HMGB1: variants seen among roughly 807,000 people sequenced by gnomAD.
HMGB1 encodes high mobility group box 1.
For synonymous variants in HMGB1, 81 were observed against 84.0 expected, an observed-to-expected ratio of 0.96 and a Z score of 0.19; for missense variants, 79 against 253.5, an observed-to-expected ratio of 0.31 and a Z score of 4.67.
chr13:30,510,646 G>A (rs769723580), intron 1 of HMGB1, among the ~76,000 whole-genome samples: 16 of 152,012 alleles, frequency 1.1e-4, no homozygotes, highest in African/African-American at 3.4e-4. Flanking sequence ...CTGGCTTAGC[G>A]GCACGGTTCC....
intron 1 of HMGB1, among the ~76,000 whole-genome samples, chr13:30,585,732 T>C (rs1871117103): frequency 6.6e-6 from 1 of 152,150 alleles, no homozygotes; most frequent in Non-Finnish European, 1.5e-5. Context: ...ATATCTTTTT[T>C]AACATCACAA....
rs548196249 is a variant in HMGB1, at chr13:30,616,951, C to T, written c.-295G>A. 2.0e-5 allele frequency: 3 copies of T among 152,302 alleles called. No homozygotes were observed. The East Asian group carries it at 5.8e-4, about 29-fold the overall frequency. 9.4% of individuals were successfully genotyped at this position (152,302 alleles called of 1,614,324 possible). A position where few individuals can be genotyped will look rare whatever the true frequency, so the allele number is the denominator to read the frequency against. ...TGTTATCCTAGGACACAGAACCAAT[C>T]GACCAAAAGGACTTCTGGAATATGC... On this transcript the variant is annotated 5_prime_UTR_variant, in exon 1 of 5. Coordinates refer to the HMGB1 transcript ENST00000405805.
Position 30,556,735 on chromosome 13 carries a change from C to T in HMGB1, c.-15+59936G>A, listed in dbSNP as rs149120552. ...GATCTCATAGAAGTAAAAAGTAGGA[C>T]AGAGGATACTAGAGGCTGGGACGAG... On this transcript the variant is annotated intron_variant, in intron 1 of 4. Transcript: ENST00000405805. Among the ~76,000 whole-genome samples, 969 of 152,258 alleles carry T rather than the reference C, an allele frequency of 6.4e-3. 10 individuals carry two copies. The highest frequency in any genetic ancestry group is 0.022 in the African/African-American group (915 of 41,560).
At chr13:30,588,780 G>A (rs1299352234) in intron 1 of HMGB1, among the ~76,000 whole-genome samples, 2 of 151,892 alleles carry the variant, frequency 1.3e-5, no homozygotes, top group South Asian at 4.2e-4. Context: ...AGCCGTGAAT[G>A]ATGGCTCGTG....
Position 30,579,165 on chromosome 13 carries a change from C to T in HMGB1, c.-15+37506G>A, listed in dbSNP as rs570064758. ...TGTAATTTTTAAATAAGTTAATGAACGGAATGGCTAGAAAAAGTGAGAAGA... is the reference window on the plus strand; with the variant it reads ...TGTAATTTTTAAATAAGTTAATGAATGGAATGGCTAGAAAAAGTGAGAAGA... On this transcript the variant is annotated intron_variant, in intron 1 of 4. Coordinates refer to the HMGB1 transcript ENST00000405805. 6.8e-4 allele frequency among the ~76,000 whole-genome samples: 104 copies of T among 152,272 alleles called. 1 individual carries two copies. The highest frequency in any genetic ancestry group is 2.3e-3 in the African/African-American group (97 of 41,546).
At chr13:30,599,894 A>G (rs77232027) in intron 1 of HMGB1, among the ~76,000 whole-genome samples, 2 of 152,216 alleles carry the variant, frequency 1.3e-5, no homozygotes, top group African/African-American at 4.8e-5. Flanking sequence ...TAATTTGTCA[A>G]CACTACAGTT....
chr13:30,486,871 T>C (rs1887376341), intron 1 of HMGB1, among the ~76,000 whole-genome samples: 1 of 152,108 alleles, frequency 6.6e-6, no homozygotes, highest in African/African-American at 2.4e-5. Flanking sequence ...AAAGGGAAGC[T>C]GCTCCAACAG....
At chr13:30,471,772 G>A (rs1440296648) in intron 1 of HMGB1, among the ~76,000 whole-genome samples, 2 of 140,508 alleles carry the variant, frequency 1.4e-5, no homozygotes, top group African/African-American at 2.7e-5. Context: ...GGGTTCAAGC[G>A]ATTCTCCTGC....
chr13:30,605,440 C>A (rs1019744071), intron 1 of HMGB1, among the ~76,000 whole-genome samples: 1 of 152,152 alleles, frequency 6.6e-6, no homozygotes, highest in African/African-American at 2.4e-5. Flanking sequence ...TAAGGAGAAG[C>A]CAAGAAGTAG....
In HMGB1 at chr13:30,503,166, C is replaced by G. The variant is rs182175229; in HGVS notation, c.-14-39472G>C. Among the ~76,000 whole-genome samples, 3 of 151,604 alleles carry G rather than the reference C, an allele frequency of 2.0e-5. No individual in the cohort carries two copies. In the East Asian group the frequency reaches 5.8e-4, roughly 30 times the overall value. ...CCTGGCTGACATAGTGAAACCCCGT[C>G]TCTACTAAAAATACAAAAAAAAAGA... On this transcript the variant is annotated intron_variant, in intron 1 of 4. Coordinates refer to the HMGB1 transcript ENST00000405805.
chr13:30,546,260 T>C (rs1247308065), intron 1 of HMGB1, among the ~76,000 whole-genome samples: 1 of 152,024 alleles, frequency 6.6e-6, no homozygotes, highest in East Asian at 1.9e-4. Context: ...GGACTACAGG[T>C]GTGCATCGCC....
chr13:30,464,520 G>C (rs976856708), intron 1 of HMGB1: 47 of 984,682 alleles, frequency 4.8e-5, no homozygotes, highest in Non-Finnish European at 5.5e-5. Context: ...CGAGGAGAGA[G>C]GACGCGGCCC....
intron 1 of HMGB1, among the ~76,000 whole-genome samples, chr13:30,609,216 C>T (rs116496907): frequency 0.014 from 2,196 of 152,172 alleles, 43 homozygotes; most frequent in African/African-American, 0.049. Flanking sequence ...TGAGCCATTG[C>T]GCCACTGCAC....
At chr13:30,614,699 T>C (rs569320193) in intron 1 of HMGB1, among the ~76,000 whole-genome samples, 152 of 152,134 alleles carry the variant, frequency 1.0e-3, no homozygotes, top group African/African-American at 3.4e-3. Context: ...TGTCATGTTT[T>C]TGTTTTTGTT....
At chr13:30,574,584 T>C (rs966753692) in intron 1 of HMGB1, among the ~76,000 whole-genome samples, 2 of 152,194 alleles carry the variant, frequency 1.3e-5, no homozygotes, top group South Asian at 2.1e-4. Flanking sequence ...TGCTAGGAAA[T>C]AGGAAAATAA....
intron 1 of HMGB1, among the ~76,000 whole-genome samples, chr13:30,544,562 C>A (rs948862326): frequency 6.6e-6 from 1 of 152,192 alleles, no homozygotes; most frequent in Non-Finnish European, 1.5e-5. Context: ...GCAGAGCTTC[C>A]AGACAGCTGA....
intron 1 of HMGB1, among the ~76,000 whole-genome samples, chr13:30,571,277 A>T (rs949820142): frequency 6.6e-6 from 1 of 151,032 alleles, no homozygotes; most frequent in Non-Finnish European, 1.5e-5. Flanking sequence ...CTCTTCCAGG[A>T]TTAGCAAAAA....
intron 1 of HMGB1, among the ~76,000 whole-genome samples, chr13:30,545,522 T>C (rs548013313): frequency 3.7e-4 from 57 of 152,198 alleles, no homozygotes; most frequent in Non-Finnish European, 6.5e-4. Context: ...TTCTACTCAC[T>C]TCCTGTTTTT....
chr13:30,543,157 C>T (rs1868981758), intron 1 of HMGB1: 1 of 137,642 alleles, frequency 7.3e-6, no homozygotes, highest in Non-Finnish European at 1.5e-5. Flanking sequence ...GACAGAGGCT[C>T]ACTCTGTTGC....
Sources: allele counts gnomAD v4.1 joint callset (sites outside exome capture counted in the v4.1 genomes callset), GRCh38; gene constraint gnomAD v4.1.1; transcripts MANE v1.5; gene names NCBI Gene and HGNC (gene_info 2026-07-23, HGNC 2026-07-21).